IL1F10: variants seen among roughly 807,000 people sequenced by gnomAD.
IL1F10 encodes the protein interleukin-1 family member 10.
In IL1F10, 13 loss-of-function variants were observed where a neutral mutation model predicts 13.1. The ratio of observed to expected loss-of-function variants is 0.99; its 90% CI spans 0.64 to 1.57. IL1F10 has a LOEUF of 1.57. Ranked by LOEUF, IL1F10 falls within the 40% of genes most tolerant of loss-of-function variation. The probability of loss-of-function intolerance (pLI) is 0.00; values close to 1 mark genes in which losing one functional copy is unlikely to be tolerated. For synonymous variants in IL1F10, 78 were observed against 68.2 expected (o/e 1.14, Z -0.71); for missense variants, 191 against 184.1 (o/e 1.04, Z -0.22).
At chr2:113,072,433 T>C in intron 1 of IL1F10, 1 of 329,436 alleles carries the variant, frequency 3.0e-6, no homozygotes, top group Non-Finnish European at 5.6e-6. Context: ...TGGGGGAATC[T>C]GTTTTCCAGT....
At chr2:113,074,909 C>T in intron 4 of IL1F10, 59 bp downstream of exon 4, 1 of 1,574,956 alleles carries the variant, frequency 6.3e-7, no homozygotes, top group South Asian at 1.1e-5. Flanking sequence ...CCCTGGGATG[C>T]TCTGGCATCT....
rs576032013 is a variant in IL1F10, at chr2:113,072,993, G to C, written c.32+223G>C. ...CTCTGTTCCAAAAAGTCTGTAAGTG[G>C]AGTGTTATTAAACCCATTTTACAGA... On this transcript the variant is annotated intron_variant, in intron 2 of 4. Transcript: ENST00000341010. Among the ~76,000 whole-genome samples the C allele has an allele frequency of 6.6e-5, 10 of 152,312 alleles. No individual in the cohort carries two copies. The East Asian group carries it at 1.9e-3, about 29-fold the overall frequency.
In IL1F10 at chr2:113,075,376, A is replaced by G. The variant is rs1178832946; in HGVS notation, c.*12A>G. The G allele has an allele frequency of 6.5e-7, 1 of 1,540,540 alleles. No homozygotes were observed. Among genetic ancestry groups the G allele is most frequent in the East Asian group, 2.3e-5 (1 of 43,846 alleles). On this transcript the variant is annotated 3_prime_UTR_variant, in exon 5 of 5. Transcript: ENST00000341010. ...AACAGAGCTGGTAGGGAGACAGGAA[A>G]CTGCGTTTTAGCCTTGTGCCCCCAA...
At chr2:113,072,926 T>C (rs1425945147) in intron 2 of IL1F10, among the ~76,000 whole-genome samples, 156 bp downstream of exon 2, 1 of 152,228 alleles carries the variant, frequency 6.6e-6, no homozygotes, top group Non-Finnish European at 1.5e-5. Flanking sequence ...CAACAGCTCT[T>C]TCCTGAACGT....
chr2:113,074,949 T>A lies in IL1F10; in HGVS notation c.246+99T>A, dbSNP rs1022901137. 1.8e-5 allele frequency: 26 copies of A among 1,443,480 alleles called. No homozygotes were observed. The East Asian group carries it at 6.0e-4, about 33-fold the overall frequency. The allele number at this position is 1,443,480 out of a possible 1,614,324, so 89.4% of individuals were successfully genotyped here. On this transcript the variant is annotated intron_variant, in intron 4 of 4. Coordinates refer to ENST00000341010, the MANE Select transcript of IL1F10 (RefSeq NM_173161.3). ...GCCTATCTGTGGATTCCCAGCCAGG[T>A]CCACATGTCCTACTTCCTCAGGTTT...
At chr2:113,072,901 T>C in intron 2 of IL1F10, 131 bp downstream of exon 2, 2 of 729,170 alleles carry the variant, frequency 2.7e-6, no homozygotes, top group Non-Finnish European at 4.8e-6. Context: ...TTAAGCTTCA[T>C]CATCACCACA....
In IL1F10 at chr2:113,075,765, A is replaced by G. The variant is rs28928304; in HGVS notation, c.*401A>G. The G allele has an allele frequency of 0.017, 2,604 of 155,380 alleles. 83 individuals carry two copies. The highest frequency in any genetic ancestry group is 0.059 in the African/African-American group (2,442 of 41,666). The allele number at this position is 155,380 out of a possible 1,614,324, so 9.6% of individuals were successfully genotyped here. ...CCGGAAGGAACACAGCTCTTGACAC[A>G]TGGATTTCAGCTCAGTGACACCCAT... is the stretch of plus-strand genomic sequence containing the variant. On this transcript the variant is annotated 3_prime_UTR_variant, in exon 5 of 5. Transcript: ENST00000341010.
At chr2:113,068,328 A>G (rs1418298539) in intron 1 of IL1F10, among the ~76,000 whole-genome samples, 1 of 138,480 alleles carries the variant, frequency 7.2e-6, no homozygotes, top group African/African-American at 2.7e-5. Context: ...AGCTTAAGAG[A>G]TTTTTTGTTT....
chr2:113,073,058 C>T (rs768894330), intron 2 of IL1F10, among the ~76,000 whole-genome samples: 41 of 152,288 alleles, frequency 2.7e-4, no homozygotes, highest in Middle Eastern at 3.4e-3. Flanking sequence ...TAACTTCCCC[C>T]ATGTCACACA....
At chr2:113,074,954 A>C (rs1685910959) in intron 4 of IL1F10, 104 bp downstream of exon 4, 1 of 1,424,702 alleles carries the variant, frequency 7.0e-7, no homozygotes, top group Non-Finnish European at 9.7e-7. Flanking sequence ...CCAGGTCCAC[A>C]TGTCCTACTT....
At chr2:113,069,492 A>G (rs1685796168) in intron 1 of IL1F10, among the ~76,000 whole-genome samples, 1 of 152,264 alleles carries the variant, frequency 6.6e-6, no homozygotes, top group Non-Finnish European at 1.5e-5. Context: ...ATTGTCAATG[A>G]GTCTCAGGTT....
intron 1 of IL1F10, among the ~76,000 whole-genome samples, chr2:113,068,370 C>G (rs1464459758): frequency 6.7e-6 from 1 of 148,178 alleles, no homozygotes; most frequent in Non-Finnish European, 1.5e-5. Flanking sequence ...TCCTTGGTAG[C>G]TCCTCAGTGT....
At position 113,075,258 on chromosome 2, in the gene IL1F10, C is replaced by T; in HGVS notation, c.353C>T (p.Pro118Leu). The change falls in exon 5 of 5, where the codon CCT becomes CTT. Residue 118 changes from proline (P) to leucine (L), a missense_variant. Physicochemically the swap from Pro to Leu is moderately conservative, Grantham distance 98 (BLOSUM62 -3). Transcript: ENST00000341010. ...SAFRLEAAAWPGWFLCGPAEP... is the reference protein window; with the variant it reads ...SAFRLEAAAWLGWFLCGPAEP... ...TTCAGGCTTGAGGCTGCTGCCTGGCCTGGCTGGTTCCTGTGTGGCCCGGCA... is the reference window on the plus strand; with the variant it reads ...TTCAGGCTTGAGGCTGCTGCCTGGCTTGGCTGGTTCCTGTGTGGCCCGGCA... The T allele has an allele frequency of 6.2e-7, 1 of 1,613,752 alleles. No individual in the cohort carries two copies. Among genetic ancestry groups the T allele is most frequent in the Non-Finnish European group, 8.5e-7 (1 of 1,179,754 alleles).
rs548109033 is a variant in IL1F10 at position 113,075,393 on chromosome 2, T to G, written c.*29T>G. The G allele has an allele frequency of 7.9e-6, 12 of 1,515,144 alleles. No individual in the cohort carries two copies. In the East Asian group the frequency reaches 2.7e-4, roughly 35 times the overall value. The allele number at this position is 1,515,144 out of a possible 1,614,324, so 93.9% of individuals were successfully genotyped here. On this transcript the variant is annotated 3_prime_UTR_variant, in exon 5 of 5. Transcript: ENST00000341010. ...GACAGGAAACTGCGTTTTAGCCTTG[T>G]GCCCCCAAACCAAGCTCATCCTGCT...
chr2:113,072,835 T>C (rs1685863199), intron 2 of IL1F10, 65 bp downstream of exon 2: 1 of 1,428,782 alleles, frequency 7.0e-7, no homozygotes, highest in African/African-American at 1.4e-5. Flanking sequence ...AGGAAAGGAA[T>C]GCTGAGTCAG....
At chr2:113,072,929 C>T (rs1463298589) in intron 2 of IL1F10, among the ~76,000 whole-genome samples, 159 bp downstream of exon 2, 1 of 152,204 alleles carries the variant, frequency 6.6e-6, no homozygotes, top group Non-Finnish European at 1.5e-5. Flanking sequence ...CAGCTCTTTC[C>T]TGAACGTCTG....
At chr2:113,072,466 A>G (rs1461184895) in intron 1 of IL1F10, 3 of 449,206 alleles carry the variant, frequency 6.7e-6, no homozygotes, top group Admixed American at 4.1e-5. Flanking sequence ...GCGCAAGCAC[A>G]CACATCCCAG....
intron 1 of IL1F10, among the ~76,000 whole-genome samples, chr2:113,071,006 C>T (rs1352293852): frequency 6.6e-6 from 1 of 152,136 alleles, no homozygotes; most frequent in Non-Finnish European, 1.5e-5. Flanking sequence ...TAACTGAACA[C>T]TTCATTTAAA....
intron 4 of IL1F10, 102 bp downstream of exon 4, chr2:113,074,952 A>G: frequency 7.0e-7 from 1 of 1,430,584 alleles, no homozygotes; most frequent in South Asian, 1.3e-5. Context: ...AGCCAGGTCC[A>G]CATGTCCTAC....
Sources: allele counts gnomAD v4.1 joint callset (sites outside exome capture counted in the v4.1 genomes callset), GRCh38; gene constraint gnomAD v4.1.1; transcripts MANE v1.5; gene names NCBI Gene and HGNC (gene_info 2026-07-23, HGNC 2026-07-21).